The following LEF1 variants were observed in gnomAD, a reference collection of about 807,000 sequenced individuals.
LEF1 encodes the protein lymphoid enhancer-binding factor 1.
In LEF1, 14 loss-of-function variants were observed where a neutral mutation model predicts 51.2. That is an observed-to-expected ratio of 0.27 (90% confidence interval 0.18 to 0.43). The LOEUF is 0.43. LEF1 is among the 20% of genes least tolerant of loss of function. The pLI, the probability that LEF1 is intolerant of heterozygous loss-of-function variation, is 1.00. For missense variants in LEF1, 386 were observed against 512.0 expected (o/e 0.75, Z 2.37); for synonymous variants, 185 against 183.2 (o/e 1.01, Z -0.08).
At chr4:108,059,801 C>G (rs976204881) in intron 11 of LEF1, among the ~76,000 whole-genome samples, 33 of 152,258 alleles carry the variant, frequency 2.2e-4, no homozygotes, top group African/African-American at 7.0e-4. Context: ...ATCCCGGGCT[C>G]AATAGATCCA....
chr4:108,081,465 A>AGC, intron 6 of LEF1, 121 bp downstream of exon 6: 1 of 727,678 alleles, frequency 1.4e-6, no homozygotes, highest in South Asian at 1.7e-5. Context: ...CACTGCACAG[A>AGC]CAGACACATG....
intron 3 of LEF1, among the ~76,000 whole-genome samples, chr4:108,148,121 G>A (rs936759586): frequency 9.9e-5 from 15 of 152,240 alleles, no homozygotes; most frequent in Admixed American, 8.5e-4. Context: ...AAACAGAAGA[G>A]GGTCTAAGTC....
chr4:108,048,563 G>T lies in LEF1; in HGVS notation c.*195C>A. On this transcript the variant is annotated 3_prime_UTR_variant, in exon 12 of 12. Coordinates refer to ENST00000265165, the MANE Select transcript of LEF1 (RefSeq NM_016269.5). ...CTTGCAGTAGACGAAAGAGGGGTTG[G>T]CAGTGATTGTCTTTATGGATCAGCG... 3.5e-6 allele frequency: 2 copies of T among 563,580 alleles called. No individual in the cohort carries two copies. Among genetic ancestry groups the T allele is most frequent in the Non-Finnish European group, 5.9e-6 (2 of 338,732 alleles). 34.9% of individuals were successfully genotyped at this position (563,580 alleles called of 1,614,324 possible).
chr4:108,057,588 TG>T (rs1209898623), intron 11 of LEF1, among the ~76,000 whole-genome samples: 3 of 152,194 alleles, frequency 2.0e-5, no homozygotes, highest in Admixed American at 6.5e-5. Flanking sequence ...GTCCTCTCAC[TG>T]GTGCTTCTAT....
intron 4 of LEF1, among the ~76,000 whole-genome samples, chr4:108,087,604 ATGAT>A (rs1739735100): frequency 6.6e-6 from 1 of 152,234 alleles, no homozygotes; most frequent in Admixed American, 6.5e-5. Flanking sequence ...CTACTGAACT[ATGAT>A]TGATTTCTTA....
chr4:108,159,115 G>T (rs1227517999), intron 3 of LEF1, among the ~76,000 whole-genome samples: 1 of 152,108 alleles, frequency 6.6e-6, no homozygotes, highest in African/African-American at 2.4e-5. Context: ...CTCTGCAAGG[G>T]TTACATGTAG....
chr4:108,070,532 T>C (rs1037463091), intron 9 of LEF1, 131 bp downstream of exon 9: 1 of 544,368 alleles, frequency 1.8e-6, no homozygotes, highest in African/African-American at 1.9e-5. Flanking sequence ...GAAATCCTTA[T>C]TACAAAGTTC....
intron 3 of LEF1, among the ~76,000 whole-genome samples, chr4:108,120,172 C>A (rs4423942): frequency 0.45 from 68,913 of 151,694 alleles, 17,493 homozygotes; most frequent in Middle Eastern, 0.68. Flanking sequence ...GCTGGGACTA[C>A]AGGTATGTGC....
At chr4:108,114,151 A>G (rs1741698013) in intron 3 of LEF1, among the ~76,000 whole-genome samples, 2 of 152,228 alleles carry the variant, frequency 1.3e-5, no homozygotes, top group Non-Finnish European at 2.9e-5. Flanking sequence ...TGTGACTGTA[A>G]TAGGCCAGTT....
At chr4:108,144,432 T>C (rs1303136876) in intron 3 of LEF1, among the ~76,000 whole-genome samples, 1 of 152,180 alleles carries the variant, frequency 6.6e-6, no homozygotes, top group Non-Finnish European at 1.5e-5. Flanking sequence ...CAGATCCCCC[T>C]GGGAATTGGC....
intron 3 of LEF1, among the ~76,000 whole-genome samples, chr4:108,093,338 C>A (rs967665603): frequency 6.6e-6 from 1 of 152,148 alleles, no homozygotes; most frequent in Non-Finnish European, 1.5e-5. Context: ...TAGTAAGTAC[C>A]TCACTTAATA....
At chr4:108,090,807 T>C (rs1347083397) in intron 3 of LEF1, among the ~76,000 whole-genome samples, 2 of 152,186 alleles carry the variant, frequency 1.3e-5, no homozygotes, top group East Asian at 3.9e-4. Context: ...TCTAACCGTA[T>C]TTTTATACCC....
intron 3 of LEF1, among the ~76,000 whole-genome samples, chr4:108,115,300 A>G (rs571772681): frequency 6.6e-6 from 1 of 152,346 alleles, no homozygotes; most frequent in East Asian, 1.9e-4. Context: ...AGACTTGATC[A>G]AGAGAAGTTA....
At chr4:108,109,803 G>T (rs1741407994) in intron 3 of LEF1, among the ~76,000 whole-genome samples, 2 of 152,122 alleles carry the variant, frequency 1.3e-5, no homozygotes, top group African/African-American at 4.8e-5. Context: ...TTAATCCAGA[G>T]AAGTTATTTT....
chr4:108,054,101 G>T (rs1253003927), intron 11 of LEF1, among the ~76,000 whole-genome samples: 1 of 152,170 alleles, frequency 6.6e-6, no homozygotes, highest in South Asian at 2.1e-4. Context: ...GTGATAACTT[G>T]TATGGGTTAG....
chr4:108,075,604 T>C (rs973938423), intron 8 of LEF1: 2 of 152,142 alleles, frequency 1.3e-5, no homozygotes, highest in Admixed American at 1.3e-4. Context: ...ATGGTGAAAA[T>C]GTAATTTAAA....
intron 9 of LEF1, among the ~76,000 whole-genome samples, chr4:108,065,372 C>A (rs1290468888): frequency 3.3e-5 from 5 of 152,176 alleles, no homozygotes; most frequent in African/African-American, 4.8e-5. Flanking sequence ...GTAATCTCAG[C>A]TACTGGGGAG....
chr4:108,075,940 T>A (rs529187816), intron 8 of LEF1, among the ~76,000 whole-genome samples: 2 of 152,222 alleles, frequency 1.3e-5, no homozygotes, highest in Non-Finnish European at 2.9e-5. Flanking sequence ...TAAAGCCTCA[T>A]GGTAGAACAG....
At chr4:108,078,061 CA>C (rs1739030847) in intron 8 of LEF1, among the ~76,000 whole-genome samples, 158 bp downstream of exon 8, 1 of 151,924 alleles carries the variant, frequency 6.6e-6, no homozygotes, top group Non-Finnish European at 1.5e-5. Flanking sequence ...AAAAGAATAA[CA>C]GTAAAAACAG....
Sources: allele counts gnomAD v4.1 joint callset (sites outside exome capture counted in the v4.1 genomes callset), GRCh38; gene constraint gnomAD v4.1.1; transcripts MANE v1.5; gene names NCBI Gene and HGNC (gene_info 2026-07-23, HGNC 2026-07-21).